The following STPG2 variants were observed in gnomAD, a reference collection of about 807,000 sequenced individuals.
STPG2 encodes the protein sperm-tail PG-rich repeat-containing protein 2.
In STPG2, 56 loss-of-function variants were observed where a neutral mutation model predicts 54.2. That is an observed-to-expected ratio of 1.03 (90% CI 0.83 to 1.29). STPG2 has a LOEUF of 1.29. Among genes scored for constraint, STPG2 ranks in the 50% most tolerant of loss-of-function variants. The pLI, the probability that STPG2 is intolerant of heterozygous loss-of-function variation, is 0.00. For synonymous variants in STPG2, 200 were observed against 181.8 expected (o/e 1.10, Z -0.81); for missense variants, 596 against 544.9 (o/e 1.09, Z -0.93).
chr4:97,458,934 G>A (rs1475271153), intron 4 of STPG2, among the ~76,000 whole-genome samples: 1 of 151,972 alleles, frequency 6.6e-6, no homozygotes, highest in Non-Finnish European at 1.5e-5. Context: ...AGGGCAATTA[G>A]CAAAAGTAAA....
intron 9 of STPG2, among the ~76,000 whole-genome samples, chr4:97,792,674 T>C (rs1486478946): frequency 6.6e-6 from 1 of 151,408 alleles, no homozygotes; most frequent in Non-Finnish European, 1.5e-5. Flanking sequence ...TCATACAATA[T>C]CTAGATATAC....
chr4:97,511,342 G>GA (rs1038087928), intron 4 of STPG2, among the ~76,000 whole-genome samples: 1 of 151,810 alleles, frequency 6.6e-6, no homozygotes, highest in East Asian at 1.9e-4. Flanking sequence ...AATTTATGGT[G>GA]AAAAAAACTA....
chr4:97,536,191 T>C (rs1181768402), intron 4 of STPG2, among the ~76,000 whole-genome samples: 1 of 152,222 alleles, frequency 6.6e-6, no homozygotes, highest in Non-Finnish European at 1.5e-5. Context: ...TCTTTCCTTC[T>C]GCAGTGTCAT....
intron 8 of STPG2, among the ~76,000 whole-genome samples, chr4:97,886,941 G>C (rs1483647386): frequency 1.3e-5 from 2 of 152,118 alleles, no homozygotes; most frequent in Non-Finnish European, 2.9e-5. Flanking sequence ...TCTCTCCCTT[G>C]CTCCTGCTAC....
At chr4:97,885,903 G>C (rs1325081816) in intron 8 of STPG2, among the ~76,000 whole-genome samples, 1 of 151,984 alleles carries the variant, frequency 6.6e-6, no homozygotes, top group African/African-American at 2.4e-5. Flanking sequence ...AAGAAGAGAA[G>C]AATAAACTTA....
chr4:97,859,665 A>C (rs1202351805), intron 8 of STPG2, among the ~76,000 whole-genome samples: 1 of 152,006 alleles, frequency 6.6e-6, no homozygotes, highest in Non-Finnish European at 1.5e-5. Flanking sequence ...GGGATTCACC[A>C]TGTTGGCCAG....
intron 8 of STPG2, among the ~76,000 whole-genome samples, chr4:97,888,494 C>T (rs1054190317): frequency 1.3e-5 from 2 of 152,196 alleles, no homozygotes. Context: ...CAGATTTGTA[C>T]AGGGCCTGTA....
chr4:98,122,387 T>C (rs920669530), intron 3 of STPG2, among the ~76,000 whole-genome samples: 34 of 152,354 alleles, frequency 2.2e-4, no homozygotes, highest in African/African-American at 7.9e-4. Flanking sequence ...ATGTAGTTTA[T>C]TGAGAGTTTT....
chr4:97,689,028 G>A (rs1052731586), intron 10 of STPG2, among the ~76,000 whole-genome samples: 1 of 152,026 alleles, frequency 6.6e-6, no homozygotes, highest in Non-Finnish European at 1.5e-5. Context: ...TGTTACTTCA[G>A]TACTGAGTGC....
At chr4:97,866,877 G>T (rs896859072) in intron 8 of STPG2, among the ~76,000 whole-genome samples, 1 of 151,712 alleles carries the variant, frequency 6.6e-6, no homozygotes, top group African/African-American at 2.4e-5. Flanking sequence ...TAGATTAAAG[G>T]CAGTGTGGCC....
At chr4:97,671,518 C>CT (rs1228807041) in intron 10 of STPG2, among the ~76,000 whole-genome samples, 2 of 152,120 alleles carry the variant, frequency 1.3e-5, no homozygotes, top group Admixed American at 1.3e-4. Flanking sequence ...TTATTCTCCA[C>CT]AAAACAACTA....
intron 8 of STPG2, among the ~76,000 whole-genome samples, chr4:97,856,955 C>A (rs1729358000): frequency 6.6e-6 from 1 of 152,040 alleles, no homozygotes; most frequent in Admixed American, 6.6e-5. Flanking sequence ...TGTGATGAAT[C>A]ACATTTATTG....
intron 7 of STPG2, among the ~76,000 whole-genome samples, chr4:97,961,764 G>A (rs1834647): frequency 0.39 from 59,759 of 152,008 alleles, 11,891 homozygotes; most frequent in Middle Eastern, 0.46. Flanking sequence ...TGGTCAGAAC[G>A]TAAACTAGTA....
At chr4:97,921,666 T>G (rs1207442870) in intron 8 of STPG2, among the ~76,000 whole-genome samples, 2 of 152,054 alleles carry the variant, frequency 1.3e-5, no homozygotes, top group African/African-American at 2.4e-5. Flanking sequence ...AATATATGCA[T>G]TATGCACTTC....
intron 4 of STPG2, among the ~76,000 whole-genome samples, chr4:97,486,825 G>GTATA (rs1243234512): frequency 1.8e-4 from 23 of 130,886 alleles, no homozygotes; most frequent in African/African-American, 7.3e-4. Flanking sequence ...GTGTGTGTGT[G>GTATA]TGTGTATATA....
chr4:98,041,957 T>G lies in STPG2; in HGVS notation c.613-60639A>C, dbSNP rs141461028. ...GGTAGAATTTGGCTATGAATCCATC[T>G]GGTCCTAGGCTTTCTTTTCTTAGGA... On this transcript the variant is annotated intron_variant, in intron 5 of 10. Transcript: ENST00000295268. Among the ~76,000 whole-genome samples the G allele has an allele frequency of 4.2e-3, 642 of 152,098 alleles. 3 individuals are homozygous for G. Among genetic ancestry groups the G allele is most frequent in the South Asian group, 0.024 (118 of 4,826 alleles).
chr4:97,658,559 G>A (rs1722283942), intron 10 of STPG2, among the ~76,000 whole-genome samples: 1 of 152,128 alleles, frequency 6.6e-6, no homozygotes, highest in Non-Finnish European at 1.5e-5. Flanking sequence ...TTTGTTGGAA[G>A]AGTTTAGACT....
At chr4:97,714,551 G>A (rs2149009820) in intron 9 of STPG2, among the ~76,000 whole-genome samples, 1 of 152,240 alleles carries the variant, frequency 6.6e-6, no homozygotes, top group East Asian at 1.9e-4. Flanking sequence ...TATACCAAGT[G>A]ATAAGGAAAG....
At chr4:98,113,698 TTAC>T (rs1299417498) in intron 3 of STPG2, among the ~76,000 whole-genome samples, 1 of 152,000 alleles carries the variant, frequency 6.6e-6, no homozygotes. Flanking sequence ...ATTATTATTA[TTAC>T]AAGTAGGGAT....
Sources: gnomAD v4.1 joint callset for allele counts (sites outside exome capture counted in the v4.1 genomes callset) on GRCh38, gnomAD v4.1.1 for gene constraint, MANE v1.5 for transcripts, NCBI Gene and HGNC (gene_info 2026-07-23, HGNC 2026-07-21) for gene names.